EYS: variants seen among roughly 807,000 people sequenced by gnomAD.
EYS encodes the protein EGF-like photoreceptor maintenance factor.
A neutral mutation model predicts 282.1 loss-of-function variants in EYS; 250 were observed. The ratio of observed to expected loss-of-function variants is 0.89; its 90% CI spans 0.80 to 0.98. The LOEUF (loss-of-function observed/expected upper bound fraction) is 0.98, where lower values mean the gene tolerates loss of function less well. Among genes scored for constraint, EYS ranks in the 50% least tolerant of loss-of-function variants. EYS has a pLI of 0.00. For synonymous variants in EYS, 1,355 were observed against 1,282.9 expected (o/e 1.06, Z -1.20); for missense variants, 4,016 against 3,709.0 (o/e 1.08, Z -2.15).
At chr6:64,641,134 A>C (rs542727323) in intron 22 of EYS, among the ~76,000 whole-genome samples, 1 of 152,314 alleles carries the variant, frequency 6.6e-6, no homozygotes, top group Admixed American at 6.5e-5. Flanking sequence ...TTTACAAAAG[A>C]AACAGGTTTA....
At chr6:64,554,924 A>G (rs1332726928) in intron 26 of EYS, among the ~76,000 whole-genome samples, 2 of 152,022 alleles carry the variant, frequency 1.3e-5, no homozygotes, top group Non-Finnish European at 2.9e-5. Flanking sequence ...ATTATTAATG[A>G]GAATGTAAAC....
chr6:64,061,954 G>A (rs1370237356), intron 33 of EYS, among the ~76,000 whole-genome samples: 4 of 148,388 alleles, frequency 2.7e-5, no homozygotes, highest in African/African-American at 7.6e-5. Flanking sequence ...GCAACAGAGC[G>A]AGACTCTTTC....
chr6:64,067,868 GTTAATAT>G (rs1771433035), intron 32 of EYS, among the ~76,000 whole-genome samples: 1 of 152,052 alleles, frequency 6.6e-6, no homozygotes, highest in African/African-American at 2.4e-5. Flanking sequence ...AATCCATTAA[GTTAATAT>G]TTAAAATTTA....
At chr6:65,312,812 C>T (rs535887400) in intron 11 of EYS, among the ~76,000 whole-genome samples, 6 of 152,150 alleles carry the variant, frequency 3.9e-5, no homozygotes, top group South Asian at 2.1e-4. Flanking sequence ...TTCCTTTCCA[C>T]TGGGAGATAC....
intron 22 of EYS, among the ~76,000 whole-genome samples, chr6:64,717,498 G>A (rs1771435414): frequency 6.6e-6 from 1 of 152,100 alleles, no homozygotes; most frequent in South Asian, 2.1e-4. Context: ...CTGACAGAAG[G>A]CAAAGCTCAG....
At chr6:65,065,317 AT>A (rs1773711475) in intron 12 of EYS, among the ~76,000 whole-genome samples, 1 of 151,880 alleles carries the variant, frequency 6.6e-6, no homozygotes, top group Non-Finnish European at 1.5e-5. Context: ...GGCCAACTAA[AT>A]TTTTTTCAGT....
chr6:65,476,207 T>C (rs879427662), intron 5 of EYS, among the ~76,000 whole-genome samples: 2 of 152,148 alleles, frequency 1.3e-5, no homozygotes, highest in Admixed American at 6.5e-5. Context: ...TGACGCATGA[T>C]ATTTGTTTTA....
chr6:63,811,251 T>G (rs998523646), intron 36 of EYS, among the ~76,000 whole-genome samples: 2 of 152,218 alleles, frequency 1.3e-5, no homozygotes, highest in African/African-American at 4.8e-5. Context: ...CTTACAAAAT[T>G]TATTACCATT....
At chr6:64,662,150 A>G (rs1769052322) in intron 22 of EYS, among the ~76,000 whole-genome samples, 1 of 148,104 alleles carries the variant, frequency 6.8e-6, no homozygotes. Flanking sequence ...ACCAAACACC[A>G]CATGTTCTCA....
chr6:64,207,060 T>G (rs1307422004), intron 31 of EYS, among the ~76,000 whole-genome samples: 1 of 152,100 alleles, frequency 6.6e-6, no homozygotes, highest in South Asian at 2.1e-4. Context: ...CAATTATAAG[T>G]GATGACATGC....
chr6:64,538,547 C>T (rs1223850166), intron 26 of EYS, among the ~76,000 whole-genome samples: 1 of 152,042 alleles, frequency 6.6e-6, no homozygotes, highest in African/African-American at 2.4e-5. Flanking sequence ...ATTGTTCCTT[C>T]TATTAGGTCA....
At chr6:65,433,610 G>C (rs1244435656) in intron 5 of EYS, among the ~76,000 whole-genome samples, 1 of 152,100 alleles carries the variant, frequency 6.6e-6, no homozygotes, top group Non-Finnish European at 1.5e-5. Context: ...AAAATTTGGG[G>C]TCAGCCTACA....
intron 37 of EYS, 30 bp from the exon 38 acceptor site, chr6:63,789,254 C>T: frequency 1.3e-6 from 2 of 1,540,512 alleles, no homozygotes; most frequent in South Asian, 2.4e-5. Context: ...GGGGAATGCT[C>T]ACTGAGAGGA....
rs544625522 is a variant in EYS at position 65,283,295 on chromosome 6, T to A, written c.2023+12568A>T. Among the ~76,000 whole-genome samples the A allele has an allele frequency of 4.6e-5, 7 of 152,016 alleles. No individual in the cohort carries two copies. The East Asian group carries it at 1.4e-3, about 29-fold the overall frequency. On this transcript the variant is annotated intron_variant, in intron 12 of 42. Transcript: ENST00000503581. ...ATAATTTTATTTTTATTTTAAAAAA[T>A]ATTTCAGCTCATGATGTTAAACCAG...
intron 28 of EYS, among the ~76,000 whole-genome samples, chr6:64,400,652 T>C (rs1773513177): frequency 6.6e-6 from 1 of 152,130 alleles, no homozygotes; most frequent in Non-Finnish European, 1.5e-5. Flanking sequence ...AACATTATTG[T>C]TTAGCATTTG....
intron 35 of EYS, among the ~76,000 whole-genome samples, chr6:63,960,701 G>A (rs1375867598): frequency 6.6e-6 from 1 of 152,182 alleles, no homozygotes; most frequent in African/African-American, 2.4e-5. Flanking sequence ...CTCTCTACCA[G>A]CAAAAGATTA....
intron 26 of EYS, among the ~76,000 whole-genome samples, chr6:64,481,305 G>C (rs1776430859): frequency 6.8e-6 from 1 of 147,430 alleles, no homozygotes; most frequent in Admixed American, 6.8e-5. Context: ...TATAATTAGA[G>C]AGCATAGAAA....
At chr6:63,741,644 T>C (rs1309286025) in intron 41 of EYS, among the ~76,000 whole-genome samples, 1 of 152,206 alleles carries the variant, frequency 6.6e-6, no homozygotes, top group Non-Finnish European at 1.5e-5. Context: ...GATTCCCCTT[T>C]GGAGATGTCT....
At chr6:64,434,550 T>C (rs1267992228) in intron 28 of EYS, among the ~76,000 whole-genome samples, 1 of 152,030 alleles carries the variant, frequency 6.6e-6, no homozygotes, top group Non-Finnish European at 1.5e-5. Context: ...AGTTCTTTCC[T>C]GGTGGGGGAA....
Sources: allele counts gnomAD v4.1 joint callset (sites outside exome capture counted in the v4.1 genomes callset), GRCh38; gene constraint gnomAD v4.1.1; transcripts MANE v1.5; gene names NCBI Gene and HGNC (gene_info 2026-07-23, HGNC 2026-07-21).